SUPT3H: variants seen among roughly 807,000 people sequenced by gnomAD.
The protein encoded by SUPT3H is SPT3 homolog, SAGA and STAGA complex component, also known as transcription initiation protein SPT3 homolog.
In SUPT3H, 44 loss-of-function variants were observed where a neutral mutation model predicts 44.3. The ratio of observed to expected loss-of-function variants is 0.99; its 90% CI spans 0.78 to 1.28. SUPT3H has a LOEUF of 1.28. SUPT3H is among the 50% of genes most tolerant of loss of function. SUPT3H has a pLI of 0.00. For missense variants in SUPT3H, 380 were observed against 387.1 expected, an observed-to-expected ratio of 0.98 and a Z score of 0.15; for synonymous variants, 124 against 125.6, an observed-to-expected ratio of 0.99 and a Z score of 0.09.
intron 2 of SUPT3H, among the ~76,000 whole-genome samples, chr6:45,167,616 A>T (rs1810102283): frequency 6.7e-6 from 1 of 149,478 alleles, no homozygotes; most frequent in African/African-American, 2.4e-5. Flanking sequence ...TATCTTAGGA[A>T]TTTCACTCAA....
At chr6:44,986,746 A>ATTACACTCTG (rs1215947536) in intron 6 of SUPT3H, among the ~76,000 whole-genome samples, 25 of 152,234 alleles carry the variant, frequency 1.6e-4, no homozygotes, top group African/African-American at 6.0e-4. Flanking sequence ...ATCTACTATT[A>ATTACACTCTG]TTACACTCTG....
intron 9 of SUPT3H, among the ~76,000 whole-genome samples, chr6:44,938,004 G>C (rs1030167120): frequency 7.0e-6 from 1 of 143,718 alleles, no homozygotes; most frequent in Non-Finnish European, 1.5e-5. Context: ...CCGCCTCCTG[G>C]GTTCAGGCAA....
intron 5 of SUPT3H, among the ~76,000 whole-genome samples, chr6:45,008,781 C>T (rs1783069075): frequency 6.6e-6 from 1 of 151,802 alleles, no homozygotes; most frequent in Non-Finnish European, 1.5e-5. Flanking sequence ...CCCTCTATTG[C>T]CCAGGCTGGT....
At chr6:44,874,866 CAGAG>C (rs1208839833) in intron 10 of SUPT3H, among the ~76,000 whole-genome samples, 2 of 147,476 alleles carry the variant, frequency 1.4e-5, no homozygotes, top group East Asian at 2.0e-4. Flanking sequence ...AACAGACAAA[CAGAG>C]AGGCAAATCA....
chr6:45,317,527 A>G (rs528091390), intron 2 of SUPT3H, among the ~76,000 whole-genome samples: 4 of 152,170 alleles, frequency 2.6e-5, no homozygotes, highest in Admixed American at 6.5e-5. Flanking sequence ...TGAATCCAGA[A>G]GTAAATCCAT....
intron 3 of SUPT3H, among the ~76,000 whole-genome samples, chr6:45,021,936 G>A (rs1296354938): frequency 6.6e-6 from 1 of 151,806 alleles, no homozygotes; most frequent in Non-Finnish European, 1.5e-5. Flanking sequence ...AATCTTGGTG[G>A]GGGGGTAGGT....
intron 6 of SUPT3H, among the ~76,000 whole-genome samples, chr6:44,978,686 T>G (rs1367722974): frequency 6.6e-6 from 1 of 152,166 alleles, no homozygotes; most frequent in Non-Finnish European, 1.5e-5. Context: ...TTCCTTTCTA[T>G]TCGTTCTAAG....
intron 2 of SUPT3H, among the ~76,000 whole-genome samples, chr6:45,246,399 G>A (rs2153649979): frequency 6.6e-6 from 1 of 152,062 alleles, no homozygotes; most frequent in East Asian, 1.9e-4. Flanking sequence ...TTTACAGATT[G>A]AGCTCTTACA....
At chr6:45,022,271 A>G (rs1338122807) in intron 3 of SUPT3H, among the ~76,000 whole-genome samples, 1 of 152,124 alleles carries the variant, frequency 6.6e-6, no homozygotes, top group African/African-American at 2.4e-5. Context: ...TAGTTTTCTC[A>G]ATTAATCAAC....
In SUPT3H at chr6:44,829,843, C is replaced by A. The variant is rs1320874464; in HGVS notation, c.927G>T (p.Arg309Ser). ...PLSPFTNAYRRNGMAFLAC is the reference protein window; with the variant it reads ...PLSPFTNAYRSNGMAFLAC Reference sequence around the variant, plus strand: ...AGCAGGCTAGAAAAGCCATCCCATTCCTGCGGTAGGCATTCTGTCAAAGAA... The same window carrying A: ...AGCAGGCTAGAAAAGCCATCCCATTACTGCGGTAGGCATTCTGTCAAAGAA... Residue 309 changes from arginine (R) to serine (S), a missense_variant, in exon 11 of 11, where the codon AGG becomes AGT. Transcript: ENST00000371459. The A allele has an allele frequency of 3.1e-6, 5 of 1,613,148 alleles. No homozygotes were observed. In the African/African-American group the frequency reaches 5.3e-5, roughly 17 times the overall value.
At chr6:45,377,448 A>T (rs141952475) in intron 1 of SUPT3H, 1 of 152,174 alleles carries the variant, frequency 6.6e-6, no homozygotes, top group Non-Finnish European at 1.5e-5. Flanking sequence ...CACTACCTAG[A>T]CGACCCGCGC....
chr6:45,177,987 G>A (rs1812313365), intron 2 of SUPT3H, among the ~76,000 whole-genome samples: 1 of 152,072 alleles, frequency 6.6e-6, no homozygotes, highest in South Asian at 2.1e-4. Context: ...AAAGACCATG[G>A]GGACTAGGAA....
intron 2 of SUPT3H, among the ~76,000 whole-genome samples, chr6:45,268,762 T>C (rs1260657401): frequency 6.6e-6 from 1 of 152,130 alleles, no homozygotes; most frequent in Non-Finnish European, 1.5e-5. Flanking sequence ...CTAAGAAGAA[T>C]GTGTGATAGT....
chr6:44,816,209 G>T (rs1766900320), intron 11 of SUPT3H, among the ~76,000 whole-genome samples: 1 of 152,250 alleles, frequency 6.6e-6, no homozygotes, highest in South Asian at 2.1e-4. Flanking sequence ...AAGGTTGTGG[G>T]ATATAGCTAA....
intron 2 of SUPT3H, among the ~76,000 whole-genome samples, chr6:45,290,982 G>A (rs907261882): frequency 2.6e-5 from 4 of 152,118 alleles, no homozygotes; most frequent in South Asian, 2.1e-4. Flanking sequence ...GCTCCAGAAC[G>A]ACTGCAGGAA....
intron 10 of SUPT3H, among the ~76,000 whole-genome samples, chr6:44,895,748 T>C (rs937898131): frequency 2.6e-5 from 4 of 152,224 alleles, no homozygotes; most frequent in Middle Eastern, 3.4e-3. Context: ...GTGGAAAAGA[T>C]TGGAGAATTG....
chr6:45,082,671 A>G lies in SUPT3H; in HGVS notation c.186+23251T>C, dbSNP rs1042960021. 1.5e-4 allele frequency among the ~76,000 whole-genome samples: 23 copies of G among 152,282 alleles called. No individual in the cohort carries two copies. In the South Asian group the frequency reaches 2.5e-3, roughly 16 times the overall value. On this transcript the variant is annotated intron_variant, in intron 3 of 10. Transcript: ENST00000371459. ...CATATCATACTACCAACATCATAGTAAAAAGGCAAAAGCTTGAAAGCATTC... is the reference window on the plus strand; with the variant it reads ...CATATCATACTACCAACATCATAGTGAAAAGGCAAAAGCTTGAAAGCATTC...
intron 3 of SUPT3H, among the ~76,000 whole-genome samples, chr6:45,054,825 G>A (rs961377314): frequency 4.6e-5 from 7 of 152,092 alleles, no homozygotes; most frequent in East Asian, 3.9e-4. Context: ...AGGCAGACTT[G>A]TAAACTGCCT....
At chr6:45,091,383 A>G (rs1265545564) in intron 3 of SUPT3H, among the ~76,000 whole-genome samples, 2 of 152,062 alleles carry the variant, frequency 1.3e-5, no homozygotes, top group Non-Finnish European at 1.5e-5. Context: ...TCTGAAAACA[A>G]TATTCTTCTT....
Sources: allele counts gnomAD v4.1 joint callset (sites outside exome capture counted in the v4.1 genomes callset), GRCh38; gene constraint gnomAD v4.1.1; transcripts MANE v1.5; gene names NCBI Gene and HGNC (gene_info 2026-07-23, HGNC 2026-07-21).